Variants in CSMD1 observed in about 807,000 individuals in gnomAD.
The protein encoded by CSMD1 is CUB and Sushi multiple domains 1.
In CSMD1, 213 loss-of-function variants were observed where a neutral mutation model predicts 417.5. The ratio of observed to expected loss-of-function variants is 0.51; its 90% CI spans 0.46 to 0.57. The LOEUF (loss-of-function observed/expected upper bound fraction) is 0.57. CSMD1 is among the 20% of genes least tolerant of loss of function. The pLI, the probability that CSMD1 is intolerant of heterozygous loss-of-function variation, is 0.00. For synonymous variants in CSMD1, 2,862 were observed against 1,736.8 expected, an observed-to-expected ratio of 1.65 and a Z score of -16.11; for missense variants, 6,923 against 4,529.7, an observed-to-expected ratio of 1.53 and a Z score of -15.17.
intron 20 of CSMD1, among the ~76,000 whole-genome samples, chr8:3,363,348 T>C (rs1389943853): frequency 1.3e-5 from 2 of 152,274 alleles, no homozygotes; most frequent in Non-Finnish European, 1.5e-5. Context: ...AAAGTCATTA[T>C]GGGAAAGGAA....
chr8:3,435,752 G>A (rs577292098), intron 12 of CSMD1, among the ~76,000 whole-genome samples: 7 of 152,190 alleles, frequency 4.6e-5, no homozygotes, highest in Admixed American at 3.3e-4. Context: ...GTTCTTCCTC[G>A]AACAATGTGT....
intron 17 of CSMD1, among the ~76,000 whole-genome samples, chr8:3,395,399 G>C (rs559806273): frequency 9.9e-5 from 15 of 152,136 alleles, no homozygotes; most frequent in African/African-American, 3.1e-4. Context: ...GTTTTAATTG[G>C]CTAATGTTAA....
At chr8:3,553,266 G>A (rs946668824) in intron 10 of CSMD1, among the ~76,000 whole-genome samples, 1 of 152,190 alleles carries the variant, frequency 6.6e-6, no homozygotes, top group Non-Finnish European at 1.5e-5. Flanking sequence ...GTTCGGAGCT[G>A]CAGGCACACC....
intron 1 of CSMD1, among the ~76,000 whole-genome samples, chr8:4,899,390 T>A (rs1489197703): frequency 6.6e-6 from 1 of 152,184 alleles, no homozygotes; most frequent in African/African-American, 2.4e-5. Flanking sequence ...GAGGAATTAT[T>A]TGGAAGGATA....
chr8:4,415,964 G>T (rs941744630), intron 3 of CSMD1, among the ~76,000 whole-genome samples: 1 of 152,134 alleles, frequency 6.6e-6, no homozygotes, highest in Admixed American at 6.6e-5. Flanking sequence ...GGGATCTCGG[G>T]AAACTAAAGT....
chr8:4,009,556 T>G (rs17402676), intron 4 of CSMD1, among the ~76,000 whole-genome samples: 1 of 152,236 alleles, frequency 6.6e-6, no homozygotes, highest in South Asian at 2.1e-4. Flanking sequence ...AATTTAAAAA[T>G]GCAGGTTATA....
At chr8:4,737,094 T>C (rs758374781) in intron 1 of CSMD1, among the ~76,000 whole-genome samples, 1 of 152,114 alleles carries the variant, frequency 6.6e-6, no homozygotes, top group Non-Finnish European at 1.5e-5. Context: ...TACATGCCCA[T>C]CAATGATAGA....
chr8:4,771,669 C>G (rs948121057), intron 1 of CSMD1, among the ~76,000 whole-genome samples: 1 of 152,172 alleles, frequency 6.6e-6, no homozygotes, highest in Non-Finnish European at 1.5e-5. Flanking sequence ...TTAAAACATA[C>G]GCAAAGTAAA....
intron 50 of CSMD1, 54 bp downstream of exon 50, chr8:3,052,408 C>A: frequency 7.0e-7 from 1 of 1,423,068 alleles, no homozygotes; most frequent in Admixed American, 2.3e-5. Flanking sequence ...CTCCCGAAAG[C>A]ATTCAGTTCC....
At chr8:4,429,679 C>A (rs906644764) in intron 2 of CSMD1, among the ~76,000 whole-genome samples, 5 of 152,044 alleles carry the variant, frequency 3.3e-5, no homozygotes, top group African/African-American at 9.7e-5. Flanking sequence ...AAGAGATGGA[C>A]CCCAATACCC....
intron 7 of CSMD1, among the ~76,000 whole-genome samples, chr8:3,671,559 TC>T (rs1563257081): frequency 0.088 from 409 of 4,644 alleles, 73 homozygotes; most frequent in South Asian, 0.11. Flanking sequence ...ATATATATGA[TC>T]ATATATATAT....
At chr8:3,280,570 G>T (rs553871676) in intron 26 of CSMD1, among the ~76,000 whole-genome samples, 1 of 152,114 alleles carries the variant, frequency 6.6e-6, no homozygotes, top group African/African-American at 2.4e-5. Context: ...ACCAGAATTT[G>T]GATTTATTAA....
At chr8:3,168,710 G>C (rs958484494) in intron 37 of CSMD1, among the ~76,000 whole-genome samples, 2 of 151,756 alleles carry the variant, frequency 1.3e-5, no homozygotes, top group African/African-American at 2.4e-5. Flanking sequence ...GAAAAGAAAA[G>C]AAACTGTTTT....
At chr8:3,901,767 T>C (rs770299563) in intron 5 of CSMD1, among the ~76,000 whole-genome samples, 1 of 152,222 alleles carries the variant, frequency 6.6e-6, no homozygotes, top group African/African-American at 2.4e-5. Flanking sequence ...CAAGCCAACA[T>C]AATTTCTGGC....
intron 1 of CSMD1, among the ~76,000 whole-genome samples, chr8:4,640,506 C>T (rs1477184878): frequency 2.6e-5 from 4 of 152,204 alleles, no homozygotes; most frequent in East Asian, 3.9e-4. Flanking sequence ...TATGGTAGTC[C>T]TCTTTTCTCT....
intron 50 of CSMD1, among the ~76,000 whole-genome samples, chr8:3,041,444 G>C (rs1195887059): frequency 1.3e-5 from 2 of 152,062 alleles, no homozygotes; most frequent in Non-Finnish European, 2.9e-5. Flanking sequence ...TACACACCTT[G>C]AAAACCTTTT....
At chr8:4,743,466 G>A (rs918092341) in intron 1 of CSMD1, among the ~76,000 whole-genome samples, 12 of 152,230 alleles carry the variant, frequency 7.9e-5, no homozygotes, top group Non-Finnish European at 1.5e-4. Context: ...CGCTTCTCAC[G>A]GGCCGGTCAG....
rs908946866 is a variant in CSMD1, at chr8:4,093,678, C to T, written c.416-61579G>A. On this transcript the variant is annotated intron_variant, in intron 3 of 69. Coordinates refer to ENST00000635120, the MANE Select transcript of CSMD1 (RefSeq NM_033225.6). ...AATTTTAAAAAGGAAAGCAACAGAA[C>T]GGCCGGGTGCAGAGGCTCACAACTG... is the stretch of plus-strand genomic sequence containing the variant. Among the ~76,000 whole-genome samples, 7 of 152,142 alleles carry T rather than the reference C, an allele frequency of 4.6e-5. No individual in the cohort carries two copies. The East Asian group carries it at 1.4e-3, about 29-fold the overall frequency.
At position 3,032,528 on chromosome 8, in the gene CSMD1, T is replaced by C. The variant is rs1329875529; in HGVS notation, c.7661-3015A>G. On this transcript the variant is annotated intron_variant, in intron 50 of 69. Coordinates refer to ENST00000635120, the MANE Select transcript of CSMD1 (RefSeq NM_033225.6). ...CCAATAAAATAATGTGGCAAAAATC[T>C]GATAACAGAACTGTGACTCTCGCGA... 2.6e-5 allele frequency among the ~76,000 whole-genome samples: 4 copies of C among 152,160 alleles called. No homozygotes were observed. In the East Asian group the frequency reaches 7.7e-4, roughly 29 times the overall value.
Sources: allele counts gnomAD v4.1 joint callset (sites outside exome capture counted in the v4.1 genomes callset), GRCh38; gene constraint gnomAD v4.1.1; transcripts MANE v1.5; gene names NCBI Gene and HGNC (gene_info 2026-07-23, HGNC 2026-07-21).